Variants in ABCD2 observed in about 807,000 individuals in gnomAD.
The protein encoded by ABCD2 is ATP binding cassette subfamily D member 2.
Under a neutral mutation model 70.9 loss-of-function variants are expected in ABCD2, and 36 were observed. The ratio of observed to expected loss-of-function variants is 0.51; its 90% CI spans 0.39 to 0.67. The LOEUF is 0.67. ABCD2 is among the 30% of genes least tolerant of loss of function. ABCD2 has a pLI of 0.00. For missense variants in ABCD2, 729 were observed against 890.2 expected (o/e 0.82, Z 2.30); for synonymous variants, 304 against 306.9 (o/e 0.99, Z 0.10).
chr12:39,546,454 T>C (rs1221182695), downstream of ABCD2, among the ~76,000 whole-genome samples: 4 of 152,070 alleles, frequency 2.6e-5, no homozygotes, highest in Admixed American at 6.6e-5. Context: ...GAGCTTATAG[T>C]CTAAGAAGGG....
At chr12:39,531,872 C>T in the ABCD2 span, among the ~76,000 whole-genome samples, 1 of 152,228 alleles carries the variant, frequency 6.6e-6, no homozygotes, top group South Asian at 2.1e-4. Context: ...CCCAGGGGCG[C>T]CTGGATTGAA....
At chr12:39,598,603 T>G (rs1407012584) in intron 6 of ABCD2, among the ~76,000 whole-genome samples, 1 of 152,026 alleles carries the variant, frequency 6.6e-6, no homozygotes, top group Admixed American at 6.6e-5. Context: ...TTTCTCCATG[T>G]TGGTCAGGCT....
intron 3 of ABCD2, 21 bp downstream of exon 3, chr12:39,607,578 G>C: frequency 6.7e-7 from 1 of 1,503,196 alleles, no homozygotes; most frequent in African/African-American, 1.4e-5. Flanking sequence ...TAATTGAATT[G>C]ACAATAAGAA....
chr12:39,605,683 G>C (rs1941960434), intron 3 of ABCD2, among the ~76,000 whole-genome samples: 1 of 151,946 alleles, frequency 6.6e-6, no homozygotes. Flanking sequence ...CTTGCTATCA[G>C]GGTACTCTGA....
rs1941985713 is a variant in ABCD2 at position 39,607,580 on chromosome 12, C to T, written c.1236+19G>A. 1 of 1,513,838 alleles carries T rather than the reference C, an allele frequency of 6.6e-7. No homozygotes were observed. Among genetic ancestry groups the T allele is most frequent in the Non-Finnish European group, 9.1e-7 (1 of 1,101,228 alleles). The allele number at this position is 1,513,838 out of a possible 1,614,324, so 93.8% of individuals were successfully genotyped here. The stretch of plus-strand genomic sequence containing the variant: ...ATAAATTTTATTTTAATTGAATTGA[C>T]AATAAGAAATGCAAGTACCTCTTTG... On this transcript the variant is annotated intron_variant, in intron 3 of 9. Coordinates refer to ENST00000308666, the MANE Select transcript of ABCD2 (RefSeq NM_005164.4).
At chr12:39,534,617 A>T in the ABCD2 span, among the ~76,000 whole-genome samples, 2 of 151,018 alleles carry the variant, frequency 1.3e-5, no homozygotes, top group Non-Finnish European at 3.0e-5. Flanking sequence ...TTTGAGACCA[A>T]TGTGGGCAAC....
the ABCD2 span, among the ~76,000 whole-genome samples, chr12:39,534,934 AAGAAAGAAAG>A: frequency 2.5e-5 from 3 of 121,870 alleles, no homozygotes; most frequent in East Asian, 4.8e-4. Context: ...GAAAGAAAGA[AAGAAAGAAAG>A]AAAGAAAACA....
chr12:39,545,144 A>G (rs1048069005), downstream of ABCD2, among the ~76,000 whole-genome samples: 2 of 152,230 alleles, frequency 1.3e-5, no homozygotes, highest in Admixed American at 1.3e-4. Flanking sequence ...TAATTTGTTT[A>G]CAAAATAAAC....
intron 7 of ABCD2, among the ~76,000 whole-genome samples, chr12:39,585,756 CA>C (rs1941655721): frequency 6.6e-6 from 1 of 151,906 alleles, no homozygotes; most frequent in African/African-American, 2.4e-5. Context: ...GGTCTGAAAA[CA>C]AAAAAAGTTC....
rs1941071186 is a variant in ABCD2, at chr12:39,550,401, A to AT, written c.*3510dup. 1 of 151,698 alleles carries AT rather than the reference A, an allele frequency of 6.6e-6. No individual in the cohort carries two copies. The highest frequency in any genetic ancestry group is 1.5e-5 in the Non-Finnish European group (1 of 67,684). 9.4% of individuals were successfully genotyped at this position (151,698 alleles called of 1,614,324 possible). On this transcript the variant is annotated 3_prime_UTR_variant, in exon 10 of 10. Coordinates refer to ENST00000308666, the MANE Select transcript of ABCD2 (RefSeq NM_005164.4). Reference sequence around the variant, plus strand: ...TATAATGTACTCACACACAGCCACAATTTCATTTAGCTACATAATGATTTT... The same window carrying AT: ...TATAATGTACTCACACACAGCCACAATTTTCATTTAGCTACATAATGATTTT...
Position 39,585,383 on chromosome 12 carries a change from C to A in ABCD2, c.1792+769G>T, listed in dbSNP as rs1156263906. Among the ~76,000 whole-genome samples the A allele has an allele frequency of 2.0e-5, 3 of 152,178 alleles. No homozygotes were observed. In the East Asian group the frequency reaches 5.8e-4, roughly 29 times the overall value. ...GTTGATTTTGTACACTGCAACTTTG[C>A]TGAAGTTGTTTATCAGCTGAAGGAG... On this transcript the variant is annotated intron_variant, in intron 7 of 9. Coordinates refer to ENST00000308666, the MANE Select transcript of ABCD2 (RefSeq NM_005164.4).
downstream of ABCD2, among the ~76,000 whole-genome samples, chr12:39,545,542 A>G (rs1941017823): frequency 1.3e-5 from 2 of 152,150 alleles, no homozygotes; most frequent in African/African-American, 4.8e-5. Context: ...TCTTTCTCCA[A>G]AGCTAGTGTA....
intron 5 of ABCD2, among the ~76,000 whole-genome samples, chr12:39,602,127 T>TTTTATTTATTTATTTA (rs78767678): frequency 9.9e-4 from 144 of 145,304 alleles, no homozygotes; most frequent in African/African-American, 3.3e-3. Flanking sequence ...TTTTTAAAAA[T>TTTTATTTATTTATTTA]TTTATTTATT....
At chr12:39,562,584 A>G (rs1249576936) in intron 9 of ABCD2, among the ~76,000 whole-genome samples, 4 of 152,136 alleles carry the variant, frequency 2.6e-5, no homozygotes, top group Non-Finnish European at 2.9e-5. Flanking sequence ...ATTAACCTAG[A>G]AGAAACGAAT....
chr12:39,582,227 T>C (rs1204230333), intron 7 of ABCD2, among the ~76,000 whole-genome samples: 6 of 152,168 alleles, frequency 3.9e-5, no homozygotes. Flanking sequence ...GTTACCATAG[T>C]ATAGTGGCAT....
At chr12:39,578,702 A>G (rs569146058) in intron 8 of ABCD2, among the ~76,000 whole-genome samples, 52 of 151,732 alleles carry the variant, frequency 3.4e-4, no homozygotes, top group Non-Finnish European at 6.6e-4. Context: ...AGAAGCAATT[A>G]TTTCCTGCCT....
At position 39,607,672 on chromosome 12, in the gene ABCD2, G is replaced by T; in HGVS notation, c.1163C>A (p.Ala388Asp). ...KQVMVSERTE[A>D]FTTARNLLAS... Reference sequence around the variant, plus strand: ...CAGTAAATTTCGAGCAGTGGTAAAGGCTTCTGTCCGTTCACTAACCATAAC... The same window carrying T: ...CAGTAAATTTCGAGCAGTGGTAAAGTCTTCTGTCCGTTCACTAACCATAAC... The change falls in exon 3 of 10, where the codon GCC becomes GAC. Residue 388 changes from alanine (A) to aspartate (D), a missense_variant. Ala to Asp is a moderately radical substitution (Grantham distance 126). Around this residue, in one of 3 missense-constraint regions of ABCD2, gnomAD observed 195 missense variants for 300.2 expected, o/e 0.65. Coordinates refer to ENST00000308666, the MANE Select transcript of ABCD2 (RefSeq NM_005164.4). 4 of 1,612,914 alleles carry T rather than the reference G, an allele frequency of 2.5e-6. No individual in the cohort carries two copies. The highest frequency in any genetic ancestry group is 2.5e-6 in the Non-Finnish European group (3 of 1,179,740).
At chr12:39,581,837 A>G (rs1050614498) in intron 7 of ABCD2, among the ~76,000 whole-genome samples, 3 of 152,216 alleles carry the variant, frequency 2.0e-5, no homozygotes, top group African/African-American at 7.2e-5. Context: ...CTGAGTCATA[A>G]TGTTGCCTCT....
intron 2 of ABCD2, among the ~76,000 whole-genome samples, 176 bp downstream of exon 2, chr12:39,616,812 C>A (rs891903557): frequency 6.6e-6 from 1 of 152,012 alleles, no homozygotes; most frequent in Non-Finnish European, 1.5e-5. Flanking sequence ...ACCACTGTCT[C>A]CTTATTTCAT....
Sources: gnomAD v4.1 joint callset for allele counts (sites outside exome capture counted in the v4.1 genomes callset) on GRCh38, gnomAD v4.1.1 for gene constraint, gnomAD v4.1.1 regional missense constraint, MANE v1.5 for transcripts, NCBI Gene and HGNC (gene_info 2026-07-23, HGNC 2026-07-21) for gene names.